The following SV2C variants were observed in gnomAD, a reference collection of about 807,000 sequenced individuals.
SV2C encodes the protein synaptic vesicle glycoprotein 2C.
A neutral mutation model predicts 79.7 loss-of-function variants in SV2C; 49 were observed. The ratio of observed to expected loss-of-function variants is 0.61; its 90% confidence interval spans 0.49 to 0.78. SV2C has a LOEUF of 0.78. Among genes scored for constraint, SV2C ranks in the 30% least tolerant of loss-of-function variants. The pLI is 0.00. For missense variants in SV2C, 833 were observed against 912.9 expected (o/e 0.91, Z 1.13); for synonymous variants, 334 against 333.2 (o/e 1.00, Z -0.03).
intron 3 of SV2C, among the ~76,000 whole-genome samples, chr5:76,199,300 A>G (rs967817238): frequency 1.3e-5 from 2 of 152,180 alleles, no homozygotes; most frequent in Non-Finnish European, 2.9e-5. Flanking sequence ...TACGTGAAAT[A>G]ACATTCCAAA....
At chr5:75,952,948 C>G in the SV2C span, among the ~76,000 whole-genome samples, 1 of 151,976 alleles carries the variant, frequency 6.6e-6, no homozygotes, top group African/African-American at 2.4e-5. Flanking sequence ...TCAAGTGCTT[C>G]TAGATGTATC....
chr5:76,061,530 G>T, the SV2C span, among the ~76,000 whole-genome samples: 1 of 152,024 alleles, frequency 6.6e-6, no homozygotes, highest in African/African-American at 2.4e-5. Flanking sequence ...AAGGAACCCT[G>T]TTTGATTCAG....
At chr5:76,245,911 AGTGT>A (rs58481475) in intron 4 of SV2C, among the ~76,000 whole-genome samples, 36,827 of 145,112 alleles carry the variant, frequency 0.25, 5,592 homozygotes, top group Non-Finnish European at 0.33. Context: ...GAGGCAGGGG[AGTGT>A]GTGTGTGTGT....
At chr5:76,187,959 G>A (rs1246487138) in intron 2 of SV2C, among the ~76,000 whole-genome samples, 2 of 151,968 alleles carry the variant, frequency 1.3e-5, no homozygotes, top group Non-Finnish European at 2.9e-5. Flanking sequence ...GATGCCAATA[G>A]TAATATTAAT....
the SV2C span, among the ~76,000 whole-genome samples, chr5:75,854,453 G>T: frequency 1.3e-5 from 2 of 152,106 alleles, no homozygotes; most frequent in African/African-American, 4.8e-5. Flanking sequence ...ATTTCATTGT[G>T]TATTTCTTTA....
chr5:75,884,038 TAA>T, the SV2C span, among the ~76,000 whole-genome samples: 1 of 152,072 alleles, frequency 6.6e-6, no homozygotes, highest in Non-Finnish European at 1.5e-5. Flanking sequence ...TAAAAATTAA[TAA>T]AGACTGGGGA....
At chr5:75,900,110 A>T in the SV2C span, among the ~76,000 whole-genome samples, 3 of 152,062 alleles carry the variant, frequency 2.0e-5, no homozygotes, top group African/African-American at 7.3e-5. Context: ...TGTCATTATG[A>T]TGTTAGCCAG....
At chr5:75,962,341 A>G in the SV2C span, among the ~76,000 whole-genome samples, 1 of 152,126 alleles carries the variant, frequency 6.6e-6, no homozygotes, top group Non-Finnish European at 1.5e-5. Context: ...ATCTTTGTAT[A>G]CTTAGAGCCT....
intron 1 of SV2C, among the ~76,000 whole-genome samples, chr5:76,114,718 G>A (rs1003102270): frequency 1.3e-5 from 2 of 152,208 alleles, no homozygotes; most frequent in African/African-American, 2.4e-5. Flanking sequence ...AACACTGGGG[G>A]TGAGCCTTTT....
the SV2C span, among the ~76,000 whole-genome samples, chr5:76,003,566 G>A: frequency 1.3e-5 from 2 of 152,218 alleles, no homozygotes; most frequent in African/African-American, 2.4e-5. Context: ...TTGTGTGCTT[G>A]TAAGGCTCAG....
intron 4 of SV2C, among the ~76,000 whole-genome samples, chr5:76,281,794 T>G (rs1747204975): frequency 6.6e-6 from 1 of 152,198 alleles, no homozygotes; most frequent in African/African-American, 2.4e-5. Flanking sequence ...TCAACCCATC[T>G]CCCTTTCTCA....
intron 2 of SV2C, among the ~76,000 whole-genome samples, chr5:76,154,221 C>A (rs1373266424): frequency 6.6e-6 from 1 of 152,206 alleles, no homozygotes; most frequent in African/African-American, 2.4e-5. Flanking sequence ...CCTCCTTTTT[C>A]TTCCACAGCT....
chr5:76,239,990 T>C (rs2112418251), intron 4 of SV2C, among the ~76,000 whole-genome samples: 1 of 152,338 alleles, frequency 6.6e-6, no homozygotes, highest in South Asian at 2.1e-4. Context: ...TTCCTCCCTG[T>C]CTTAAGCTAA....
the SV2C span, among the ~76,000 whole-genome samples, chr5:75,957,386 G>C: frequency 6.6e-6 from 1 of 151,966 alleles, no homozygotes; most frequent in Non-Finnish European, 1.5e-5. Flanking sequence ...CTTACCAATT[G>C]CTTCAATGGC....
the SV2C span, among the ~76,000 whole-genome samples, chr5:76,019,694 G>A: frequency 6.6e-6 from 1 of 152,138 alleles, no homozygotes. Context: ...TGTCTTGTAC[G>A]CATGAATGAG....
chr5:76,313,652 G>A (rs953777061), intron 12 of SV2C, among the ~76,000 whole-genome samples: 8 of 152,154 alleles, frequency 5.3e-5, no homozygotes, highest in Admixed American at 3.9e-4. Flanking sequence ...CCAGACTTGT[G>A]GGCCAGCTAA....
chr5:76,180,841 A>C (rs1743697355), intron 2 of SV2C, among the ~76,000 whole-genome samples: 1 of 151,862 alleles, frequency 6.6e-6, no homozygotes, highest in African/African-American at 2.4e-5. Flanking sequence ...CCTTCTTCTT[A>C]TTTCCTTGTC....
chr5:76,320,118 C>T (rs1449664860), intron 12 of SV2C, among the ~76,000 whole-genome samples: 1 of 150,838 alleles, frequency 6.6e-6, no homozygotes, highest in Non-Finnish European at 1.5e-5. Context: ...TCAACACTAG[C>T]CTGGGCAACA....
At chr5:75,945,476 T>C in the SV2C span, among the ~76,000 whole-genome samples, 1 of 151,002 alleles carries the variant, frequency 6.6e-6, no homozygotes, top group Non-Finnish European at 1.5e-5. Context: ...CACACCAAGC[T>C]AATTATTATT....
Sources: gnomAD v4.1 joint callset for allele counts (sites outside exome capture counted in the v4.1 genomes callset) on GRCh38, gnomAD v4.1.1 for gene constraint, MANE v1.5 for transcripts, NCBI Gene and HGNC (gene_info 2026-07-23, HGNC 2026-07-21) for gene names.